GNAL: variants seen among roughly 807,000 people sequenced by gnomAD.
GNAL encodes guanine nucleotide-binding protein G(olf) subunit alpha.
Under a neutral mutation model 55.1 loss-of-function variants are expected in GNAL, and 18 were observed. The observed-to-expected ratio is 0.33, with a 90% confidence interval of 0.23 to 0.48. The LOEUF is 0.48. GNAL is among the 20% of genes least tolerant of loss of function. GNAL has a pLI of 0.99. For synonymous variants in GNAL, 253 were observed against 237.0 expected (o/e 1.07, Z -0.62); for missense variants, 412 against 614.1 (o/e 0.67, Z 3.48).
At chr18:11,695,922 G>GCACGCACGCGCACACACA (rs968123360) in intron 1 of GNAL, among the ~76,000 whole-genome samples, 1 of 136,052 alleles carries the variant, frequency 7.4e-6, no homozygotes, top group African/African-American at 3.1e-5. Flanking sequence ...ATGCACGCAT[G>GCACGCACGCGCACACACA]CACACACACA....
chr18:11,865,383 G>T (rs1019010927), intron 7 of GNAL, among the ~76,000 whole-genome samples: 1 of 149,250 alleles, frequency 6.7e-6, no homozygotes, highest in Non-Finnish European at 1.5e-5. Flanking sequence ...TTTTCCTGCC[G>T]TAGCGCTTCT....
chr18:11,755,409 G>A lies in GNAL; in HGVS notation c.624+1464G>A, dbSNP rs369664354. Among the ~76,000 whole-genome samples, 5 of 152,202 alleles carry A rather than the reference G, an allele frequency of 3.3e-5. No homozygotes were observed. In the East Asian group the frequency reaches 9.7e-4, roughly 29 times the overall value. The stretch of plus-strand genomic sequence containing the variant: ...CTGCCTCAGCCTCCCTAGTAGCTGG[G>A]ACTACAGGCGCCCGCCACCTCACCC... On this transcript the variant is annotated intron_variant, in intron 4 of 11. Transcript: ENST00000334049.
intron 4 of GNAL, among the ~76,000 whole-genome samples, chr18:11,820,883 G>A (rs141548527): frequency 2.0e-5 from 3 of 152,314 alleles, no homozygotes; most frequent in African/African-American, 7.2e-5. Context: ...AAATCACAGT[G>A]CCTACAATCC....
At chr18:11,867,981 C>A (rs950255314) in intron 8 of GNAL, among the ~76,000 whole-genome samples, 1 of 151,762 alleles carries the variant, frequency 6.6e-6, no homozygotes, top group African/African-American at 2.4e-5. Flanking sequence ...AAAAATTAGC[C>A]GGGTGTTATG....
chr18:11,705,037 C>G (rs540106783), intron 1 of GNAL, among the ~76,000 whole-genome samples: 1 of 152,094 alleles, frequency 6.6e-6, no homozygotes. Flanking sequence ...ATGGGGACAA[C>G]GTTGTACAGC....
intron 4 of GNAL, among the ~76,000 whole-genome samples, chr18:11,800,899 A>G (rs1374204408): frequency 1.3e-5 from 2 of 152,238 alleles, no homozygotes; most frequent in African/African-American, 4.8e-5. Context: ...ACCAGGACAA[A>G]CATGGTCTAA....
At chr18:11,717,172 C>G (rs908883330) in intron 1 of GNAL, among the ~76,000 whole-genome samples, 1 of 152,232 alleles carries the variant, frequency 6.6e-6, no homozygotes, top group African/African-American at 2.4e-5. Flanking sequence ...TGTCTGGGGC[C>G]GGTGGGGCCA....
intron 1 of GNAL, among the ~76,000 whole-genome samples, chr18:11,717,386 G>C (rs1326953534): frequency 2.0e-5 from 3 of 152,254 alleles, no homozygotes. Flanking sequence ...CTCCTCAAGT[G>C]CCGCCAAAGT....
chr18:11,825,201 C>A (rs1244826298), intron 5 of GNAL, among the ~76,000 whole-genome samples, 186 bp downstream of exon 5: 1 of 152,124 alleles, frequency 6.6e-6, no homozygotes, highest in African/African-American at 2.4e-5. Context: ...CAGTAAGAAT[C>A]AATGTTTCTG....
Position 11,868,853 on chromosome 18 carries a change from A to G in GNAL, c.1031+190A>G, listed in dbSNP as rs1425021063. Among the ~76,000 whole-genome samples, 1 of 152,114 alleles carries G rather than the reference A, an allele frequency of 6.6e-6. No individual in the cohort carries two copies. Among genetic ancestry groups the G allele is most frequent in the Non-Finnish European group, 1.5e-5 (1 of 68,016 alleles). On this transcript the variant is annotated intron_variant, in intron 9 of 11. Transcript: ENST00000334049. This position sits in a 1 kb window ranked among gnomAD's most constrained non-coding sequence, Gnocchi z 4.0. ...TGGAGAAACCCTGTCTCTACAAAAA[A>G]TACAAAAATTAGCCAGGTGTGGTGG...
intron 11 of GNAL, among the ~76,000 whole-genome samples, chr18:11,879,053 T>C (rs1333591746): frequency 6.6e-6 from 1 of 151,430 alleles, no homozygotes; most frequent in Non-Finnish European, 1.5e-5. Flanking sequence ...CATGTATACA[T>C]ATGTAACAAA....
chr18:11,864,906 C>T (rs1266724183), intron 7 of GNAL, among the ~76,000 whole-genome samples: 1 of 152,186 alleles, frequency 6.6e-6, no homozygotes, highest in African/African-American at 2.4e-5. Flanking sequence ...TGCACAGTCA[C>T]AGGTTGAGAA....
intron 4 of GNAL, among the ~76,000 whole-genome samples, chr18:11,790,923 C>A (rs1362469435): frequency 6.6e-6 from 1 of 152,046 alleles, no homozygotes; most frequent in Non-Finnish European, 1.5e-5. Flanking sequence ...TCCCTAAGTT[C>A]TGGGATTACA....
chr18:11,740,075 G>GTATT lies in GNAL; in HGVS notation c.377-12754_377-12751dup, dbSNP rs560000874. Among the ~76,000 whole-genome samples the GTATT allele has an allele frequency of 4.0e-3, 613 of 151,790 alleles. 3 individuals carry two copies. Among genetic ancestry groups the GTATT allele is most frequent in the East Asian group, 0.032 (164 of 5,174 alleles). Reference sequence around the variant, plus strand: ...CTAGAGTCCTCCCTTTTCTATTTATGTATTTATTTATTTATTTATTTATTT... The same window carrying GTATT: ...CTAGAGTCCTCCCTTTTCTATTTATGTATTTATTTATTTATTTATTTATTTATTT... On this transcript the variant is annotated intron_variant, in intron 1 of 11. Transcript: ENST00000334049.
At chr18:11,820,858 A>G (rs900271978) in intron 4 of GNAL, among the ~76,000 whole-genome samples, 2 of 152,228 alleles carry the variant, frequency 1.3e-5, no homozygotes, top group African/African-American at 4.8e-5. Context: ...AGTGTTATCT[A>G]AATCACCTAC....
chr18:11,883,635 T>TTGA lies in GNAL; in HGVS notation c.*2502_*2504dup, dbSNP rs2036782697. The TTGA allele has an allele frequency of 6.5e-6, 1 of 153,368 alleles. No homozygotes were observed. The highest frequency in any genetic ancestry group is 2.4e-5 in the African/African-American group (1 of 41,440). 9.5% of individuals were successfully genotyped at this position (153,368 alleles called of 1,614,324 possible). On this transcript the variant is annotated 3_prime_UTR_variant, in exon 12 of 12. Transcript: ENST00000334049. ...TTATCTAAAAATCTGATTCCATTAA[T>TTGA]TGATCAAGTATAAAAATCTACGAAA...
At chr18:11,871,348 T>G (rs966805847) in intron 9 of GNAL, among the ~76,000 whole-genome samples, 4 of 151,844 alleles carry the variant, frequency 2.6e-5, no homozygotes, top group Non-Finnish European at 5.9e-5. Context: ...CCTCCCCAGT[T>G]CAAGCGATTC....
intron 5 of GNAL, among the ~76,000 whole-genome samples, chr18:11,858,138 A>G (rs751257788): frequency 1.7e-4 from 26 of 152,234 alleles, no homozygotes; most frequent in Non-Finnish European, 2.9e-4. Flanking sequence ...TTTGACGCCA[A>G]CAACAGATGG....
chr18:11,697,513 G>A (rs928294414), intron 1 of GNAL, among the ~76,000 whole-genome samples: 6 of 151,816 alleles, frequency 4.0e-5, no homozygotes, highest in East Asian at 1.9e-4. Context: ...GGTTGAGATC[G>A]TGCCATTGCA....
Sources: allele counts gnomAD v4.1 joint callset (sites outside exome capture counted in the v4.1 genomes callset), GRCh38; gene constraint gnomAD v4.1.1; non-coding constraint Gnocchi (gnomAD v3.1); transcripts MANE v1.5; gene names NCBI Gene and HGNC (gene_info 2026-07-23, HGNC 2026-07-21).